Variants in PRKN observed in about 807,000 individuals in gnomAD.
The protein encoded by PRKN is E3 ubiquitin-protein ligase parkin.
PRKN carries 56 observed loss-of-function variants against 59.5 expected under a neutral mutation model. The observed-to-expected ratio is 0.94, with a 90% CI of 0.76 to 1.18. PRKN has a LOEUF of 1.18. Among genes scored for constraint, PRKN ranks in the 50% most tolerant of loss-of-function variants. The probability of loss-of-function intolerance (pLI) is 0.00; values close to 1 mark genes in which losing one functional copy is unlikely to be tolerated. For synonymous variants in PRKN, 250 were observed against 222.1 expected, an observed-to-expected ratio of 1.13 and a Z score of -1.12; for missense variants, 657 against 596.4, an observed-to-expected ratio of 1.10 and a Z score of -1.06.
At chr6:162,371,579 G>A (rs1785772667) in intron 2 of PRKN, among the ~76,000 whole-genome samples, 1 of 152,142 alleles carries the variant, frequency 6.6e-6, no homozygotes, top group South Asian at 2.1e-4. Flanking sequence ...TCCACTGGTT[G>A]CTGTGAGGAC....
chr6:161,812,097 G>A (rs891807260), intron 6 of PRKN, among the ~76,000 whole-genome samples: 4 of 151,984 alleles, frequency 2.6e-5, no homozygotes, highest in African/African-American at 7.2e-5. Context: ...AAATTAAAAT[G>A]TTGTTGAAGC....
Position 161,666,766 on chromosome 6 carries a change from A to G in PRKN, c.872-97350T>C, listed in dbSNP as rs558297914. ...TAAGACTATCTGATTGGATACTAGT[A>G]TAAGTCTGATGTTGCTGCCTGGAAG... is the stretch of plus-strand genomic sequence containing the variant. On this transcript the variant is annotated intron_variant, in intron 7 of 11. Transcript: ENST00000366898. Among the ~76,000 whole-genome samples, 47 of 152,374 alleles carry G rather than the reference A, an allele frequency of 3.1e-4. 2 individuals are homozygous for G. The South Asian group carries it at 9.3e-3, about 30-fold the overall frequency.
chr6:161,843,187 A>G (rs1054865463), intron 6 of PRKN, among the ~76,000 whole-genome samples: 4 of 151,894 alleles, frequency 2.6e-5, no homozygotes, highest in Non-Finnish European at 5.9e-5. Flanking sequence ...CCCAAACCAA[A>G]CTCTATATTA....
chr6:162,714,058 G>A (rs773851275), intron 1 of PRKN, among the ~76,000 whole-genome samples: 1 of 152,190 alleles, frequency 6.6e-6, no homozygotes, highest in African/African-American at 2.4e-5. Flanking sequence ...TCATTTCTCC[G>A]CCCTGCTGTG....
At chr6:162,536,603 C>T (rs918877319) in intron 1 of PRKN, among the ~76,000 whole-genome samples, 5 of 42,486 alleles carry the variant, frequency 1.2e-4, no homozygotes, top group African/African-American at 3.2e-4. Flanking sequence ...CCTCTCATTG[C>T]CATCGATGCT....
At chr6:161,886,389 T>C (rs975182111) in intron 6 of PRKN, among the ~76,000 whole-genome samples, 13 of 152,186 alleles carry the variant, frequency 8.5e-5, no homozygotes, top group Non-Finnish European at 1.6e-4. Flanking sequence ...GCCTTGGTGC[T>C]TTAAAATCAT....
At chr6:162,203,700 T>A (rs1784827367) in intron 3 of PRKN, among the ~76,000 whole-genome samples, 1 of 152,182 alleles carries the variant, frequency 6.6e-6, no homozygotes. Flanking sequence ...AAAAATGACC[T>A]GAGAAACCTT....
chr6:162,525,199 T>C lies in PRKN; in HGVS notation c.8-81726A>G, dbSNP rs543357643. ...AGCTCTGTGACCCTGAGGAACTCCC[T>C]CCACCAAGACCACTCTGACCCTCTG... On this transcript the variant is annotated intron_variant, in intron 1 of 11. Coordinates refer to ENST00000366898, the MANE Select transcript of PRKN (RefSeq NM_004562.3). Among the ~76,000 whole-genome samples, 5 of 152,188 alleles carry C rather than the reference T, an allele frequency of 3.3e-5. No homozygotes were observed. The South Asian group carries it at 8.3e-4, about 25-fold the overall frequency.
intron 6 of PRKN, among the ~76,000 whole-genome samples, chr6:161,932,092 AAT>A (rs1432460570): frequency 6.6e-6 from 1 of 152,070 alleles, no homozygotes; most frequent in African/African-American, 2.4e-5. Context: ...TAATCCTTTA[AAT>A]ATGTTAGATT....
intron 2 of PRKN, among the ~76,000 whole-genome samples, chr6:162,377,163 C>T (rs914625306): frequency 1.3e-5 from 2 of 152,136 alleles, no homozygotes; most frequent in African/African-American, 2.4e-5. Flanking sequence ...TTAGCCAATA[C>T]CCTCTAAAGT....
chr6:161,977,656 C>A (rs941058135), intron 5 of PRKN, among the ~76,000 whole-genome samples: 1 of 150,932 alleles, frequency 6.6e-6, no homozygotes, highest in Non-Finnish European at 1.5e-5. Context: ...ACGCCATTCT[C>A]CTGCCTCAGC....
At chr6:162,285,626 C>A (rs1781153264) in intron 2 of PRKN, among the ~76,000 whole-genome samples, 1 of 152,126 alleles carries the variant, frequency 6.6e-6, no homozygotes, top group Non-Finnish European at 1.5e-5. Context: ...TACTAAATAT[C>A]TTACATATTA....
chr6:162,538,666 C>T (rs1778810237), intron 1 of PRKN, among the ~76,000 whole-genome samples: 1 of 152,082 alleles, frequency 6.6e-6, no homozygotes, highest in Non-Finnish European at 1.5e-5. Context: ...GGGAAGTCAG[C>T]CTATTTAACT....
At chr6:162,727,542 C>T (rs1036584200) in intron 1 of PRKN, 120 bp downstream of exon 1, 41 of 1,124,836 alleles carry the variant, frequency 3.6e-5, no homozygotes, top group Admixed American at 4.2e-5. Context: ...ACGGCACGGG[C>T]ACTTTGGCCC....
chr6:162,076,667 T>C (rs1007578432), intron 4 of PRKN, among the ~76,000 whole-genome samples: 1 of 152,294 alleles, frequency 6.6e-6, no homozygotes, highest in African/African-American at 2.4e-5. Context: ...TACAGTTTAT[T>C]CTGAAACGTT....
At chr6:161,506,636 G>C (rs887822256) in intron 9 of PRKN, among the ~76,000 whole-genome samples, 2 of 152,228 alleles carry the variant, frequency 1.3e-5, no homozygotes, top group Admixed American at 1.3e-4. Flanking sequence ...GTGCAGAAAG[G>C]AGGATGATGC....
chr6:161,712,275 G>A (rs1786781283), intron 7 of PRKN, among the ~76,000 whole-genome samples: 1 of 152,150 alleles, frequency 6.6e-6, no homozygotes, highest in African/African-American at 2.4e-5. Context: ...ATGGCTTAAA[G>A]TTAGGTTATT....
At chr6:162,430,211 C>T (rs1789447964) in intron 2 of PRKN, among the ~76,000 whole-genome samples, 1 of 152,028 alleles carries the variant, frequency 6.6e-6, no homozygotes. Context: ...ATGCCAGCAA[C>T]TGACATCATG....
Position 161,785,762 on chromosome 6 carries a change from C to A in PRKN, c.871+10G>T. On this transcript the variant is annotated intron_variant, in intron 7 of 11. Transcript: ENST00000366898. ...GCATTAGAGATGGAGAGAAAACATG[C>A]TAGACTTACCCACACAAGGCAGGGA... The A allele has an allele frequency of 6.2e-7, 1 of 1,613,504 alleles. No homozygotes were observed. The highest frequency in any genetic ancestry group is 2.2e-5 in the East Asian group (1 of 44,874).
Sources: gnomAD v4.1 joint callset for allele counts (sites outside exome capture counted in the v4.1 genomes callset) on GRCh38, gnomAD v4.1.1 for gene constraint, MANE v1.5 for transcripts, NCBI Gene and HGNC (gene_info 2026-07-23, HGNC 2026-07-21) for gene names.